The following ZMYND8 variants were observed in gnomAD, a reference collection of about 807,000 sequenced individuals.
ZMYND8 encodes zinc finger MYND-type containing 8.
Under a neutral mutation model 140.8 loss-of-function variants are expected in ZMYND8, and 37 were observed. The observed-to-expected ratio is 0.26, with a 90% CI of 0.20 to 0.35. The LOEUF is 0.35. Among genes scored for constraint, ZMYND8 ranks in the 10% least tolerant of loss-of-function variants. The pLI, the probability that ZMYND8 is intolerant of heterozygous loss-of-function variation, is 1.00. For missense variants in ZMYND8, 1,068 were observed against 1,570.0 expected (o/e 0.68, Z 5.40); for synonymous variants, 592 against 597.1 (o/e 0.99, Z 0.12).
chr20:47,255,687 GTGTATATATATATATATATATACCGTGTA>G (rs1193238802), intron 12 of ZMYND8, among the ~76,000 whole-genome samples: 1 of 113,604 alleles, frequency 8.8e-6, no homozygotes, highest in African/African-American at 3.9e-5. Flanking sequence ...ATGTGTGTGT[GTGTATATATATATATATATATACCGTGTA>G]TGTGTGTATA....
chr20:47,239,219 C>G (rs763300136), intron 14 of ZMYND8, 81 bp from the exon 15 acceptor site: 8 of 1,436,394 alleles, frequency 5.6e-6, no homozygotes, highest in Non-Finnish European at 5.5e-6. Context: ...CCACCAAGTT[C>G]TGGGTAAAAC....
chr20:47,262,793 G>T (rs2075250536), intron 11 of ZMYND8, among the ~76,000 whole-genome samples: 1 of 152,188 alleles, frequency 6.6e-6, no homozygotes, highest in African/African-American at 2.4e-5. Flanking sequence ...CAGATGTGGA[G>T]AACGGGAGCC....
Position 47,298,034 on chromosome 20 carries a change from G to A in ZMYND8, c.453+695C>T, listed in dbSNP as rs187018862. 3.1e-3 allele frequency among the ~76,000 whole-genome samples: 479 copies of A among 152,280 alleles called. 3 individuals are homozygous for A. The highest frequency in any genetic ancestry group is 4.7e-3 in the Non-Finnish European group (323 of 68,026). Reference sequence around the variant, plus strand: ...CAAGTCTTTCTCAAATTTTAGTGAGGCTTTCCCAGACCACCACATTCAAAA... The same window carrying A: ...CAAGTCTTTCTCAAATTTTAGTGAGACTTTCCCAGACCACCACATTCAAAA... On this transcript the variant is annotated intron_variant, in intron 4 of 22. Coordinates refer to ENST00000471951, the MANE Select transcript of ZMYND8 (RefSeq NM_001281775.3). The surrounding 1 kb of genome is among the most constrained non-coding windows in gnomAD (Gnocchi z 5.0).
intron 2 of ZMYND8, among the ~76,000 whole-genome samples, chr20:47,340,058 T>C (rs912737980): frequency 6.6e-6 from 1 of 151,956 alleles, no homozygotes. Flanking sequence ...TTCCCCTGCC[T>C]CAGCCTCCTG....
At chr20:47,297,734 T>A (rs1464752542) in intron 4 of ZMYND8, among the ~76,000 whole-genome samples, 1 of 152,188 alleles carries the variant, frequency 6.6e-6, no homozygotes, top group Non-Finnish European at 1.5e-5. Flanking sequence ...CTCCAATGTA[T>A]CTTTGAATCC....
intron 11 of ZMYND8, among the ~76,000 whole-genome samples, chr20:47,264,776 T>C (rs1203705798): frequency 6.6e-6 from 1 of 152,144 alleles, no homozygotes; most frequent in East Asian, 1.9e-4. Context: ...GGTTCACCCC[T>C]GTAATCCCAG....
chr20:47,249,175 A>G, intron 13 of ZMYND8, 112 bp downstream of exon 13: 1 of 1,293,432 alleles, frequency 7.7e-7, no homozygotes, highest in Non-Finnish European at 1.1e-6. Context: ...TGAAAGTTAA[A>G]GCAGCTGCTA....
At chr20:47,256,982 G>T (rs1031830209) in intron 12 of ZMYND8, among the ~76,000 whole-genome samples, 2 of 152,152 alleles carry the variant, frequency 1.3e-5, no homozygotes, top group African/African-American at 2.4e-5. Flanking sequence ...GAGGAGATGG[G>T]ATCATCAGAG....
intron 1 of ZMYND8, 72 bp downstream of exon 1, chr20:47,356,585 T>C: frequency 6.2e-7 from 1 of 1,613,728 alleles, no homozygotes; most frequent in Non-Finnish European, 8.5e-7. Flanking sequence ...CACAGAGAAA[T>C]CACACTGCTC....
At chr20:47,294,637 G>A (rs763019376) in intron 5 of ZMYND8, 29 bp downstream of exon 5, 41 of 1,588,238 alleles carry the variant, frequency 2.6e-5, no homozygotes, top group Middle Eastern at 1.7e-4. Context: ...GTTCATTTAC[G>A]CGTATACCAA....
chr20:47,239,411 G>C (rs897755534), intron 14 of ZMYND8, among the ~76,000 whole-genome samples: 13 of 152,230 alleles, frequency 8.5e-5, no homozygotes, highest in African/African-American at 3.1e-4. Flanking sequence ...GGGAGAATGA[G>C]GCAAACAAGA....
chr20:47,276,011 T>C (rs1427484098), intron 11 of ZMYND8, among the ~76,000 whole-genome samples: 1 of 152,232 alleles, frequency 6.6e-6, no homozygotes, highest in African/African-American at 2.4e-5. Context: ...ACAAAATTAT[T>C]TGTGTTATGG....
At chr20:47,212,204 G>C (rs1324941205) in intron 22 of ZMYND8, among the ~76,000 whole-genome samples, 1 of 152,198 alleles carries the variant, frequency 6.6e-6, no homozygotes, top group Non-Finnish European at 1.5e-5. Context: ...GCTCTGGTGA[G>C]GGCAGAGACC....
intron 21 of ZMYND8, among the ~76,000 whole-genome samples, chr20:47,215,702 T>A (rs1015017207): frequency 6.6e-6 from 1 of 152,048 alleles, no homozygotes; most frequent in Non-Finnish European, 1.5e-5. Context: ...TCTAACTAAC[T>A]GGGTTGAGGA....
intron 2 of ZMYND8, among the ~76,000 whole-genome samples, chr20:47,314,478 G>C (rs907724286): frequency 6.6e-6 from 1 of 152,154 alleles, no homozygotes; most frequent in African/African-American, 2.4e-5. Context: ...CAGCCTGGGC[G>C]AAAGAGAGAG....
At position 47,211,443 on chromosome 20, in the gene ZMYND8, C is replaced by A. The variant is rs550634980; in HGVS notation, c.3569-546G>T. 2.7e-5 allele frequency among the ~76,000 whole-genome samples: 4 copies of A among 150,600 alleles called. No individual in the cohort carries two copies. In the East Asian group the frequency reaches 7.8e-4, roughly 29 times the overall value. On this transcript the variant is annotated intron_variant, in intron 22 of 22. Transcript: ENST00000471951. Reference sequence around the variant, plus strand: ...GTTAAGTCCACCTGGGAACACACACCCACTGACTCCCGGTAAGGACAAGCT... The same window carrying A: ...GTTAAGTCCACCTGGGAACACACACACACTGACTCCCGGTAAGGACAAGCT...
chr20:47,307,006 G>A (rs1296091987), intron 3 of ZMYND8, among the ~76,000 whole-genome samples: 2 of 152,136 alleles, frequency 1.3e-5, no homozygotes, highest in Non-Finnish European at 2.9e-5. Flanking sequence ...GCTAGATTTT[G>A]CTGAGTGCTA....
rs781448436 is a variant in ZMYND8 at position 47,310,161 on chromosome 20, G to C, written c.129C>G (p.Pro43=). The C allele has an allele frequency of 6.2e-7, 1 of 1,612,628 alleles. No individual in the cohort carries two copies. Among genetic ancestry groups the C allele is most frequent in the Non-Finnish European group, 8.5e-7 (1 of 1,179,732 alleles). Residue 43 remains proline (P), a synonymous_variant, in exon 3 of 23, where the codon CCC becomes CCG. Transcript: ENST00000471951. The part of the protein sequence containing the change: ...AERTAQKRKF[P]SPPHSSNGHS... The stretch of plus-strand genomic sequence containing the variant: ...GGCCATTGGAAGAATGTGGAGGGCT[G>C]GGGAACTTTCTTTTCTGGGCTGTTC...
chr20:47,237,069 T>C (rs1238879713), intron 15 of ZMYND8, among the ~76,000 whole-genome samples: 1 of 152,194 alleles, frequency 6.6e-6, no homozygotes, highest in Non-Finnish European at 1.5e-5. Flanking sequence ...ATTACCAATT[T>C]AAATTGGTCT....
Sources: allele counts gnomAD v4.1 joint callset (sites outside exome capture counted in the v4.1 genomes callset), GRCh38; gene constraint gnomAD v4.1.1; non-coding constraint Gnocchi (gnomAD v3.1); transcripts MANE v1.5; gene names NCBI Gene and HGNC (gene_info 2026-07-23, HGNC 2026-07-21).